Variants in ROBO2 observed in about 807,000 individuals in gnomAD.
ROBO2 encodes roundabout guidance receptor 2, also known as roundabout homolog 2.
A neutral mutation model predicts 160.8 loss-of-function variants in ROBO2; 53 were observed. The observed-to-expected ratio is 0.33, with a 90% CI of 0.26 to 0.41. The LOEUF is 0.41. Among genes scored for constraint, ROBO2 ranks in the 10% least tolerant of loss-of-function variants. The pLI is 1.00. For missense variants in ROBO2, 1,577 were observed against 1,722.4 expected, an observed-to-expected ratio of 0.92 and a Z score of 1.49; for synonymous variants, 664 against 611.7, an observed-to-expected ratio of 1.09 and a Z score of -1.26.
chr3:77,434,629 G>A (rs956514612), intron 2 of ROBO2, among the ~76,000 whole-genome samples: 2 of 151,632 alleles, frequency 1.3e-5, no homozygotes, highest in Non-Finnish European at 2.9e-5. Context: ...CATGTACTGC[G>A]ATACACTGCA....
At chr3:76,351,106 C>A (rs575489195) in intron 2 of ROBO2, among the ~76,000 whole-genome samples, 2 of 151,834 alleles carry the variant, frequency 1.3e-5, no homozygotes, top group African/African-American at 4.8e-5. Context: ...TTCCTCAACC[C>A]TCTCAATAAA....
chr3:77,156,380 A>G (rs1168301434), intron 2 of ROBO2, among the ~76,000 whole-genome samples: 1 of 152,060 alleles, frequency 6.6e-6, no homozygotes, highest in African/African-American at 2.4e-5. Context: ...ATTGATGTCA[A>G]TCCCAATTTT....
At chr3:75,930,014 C>T (rs1344255104) in intron 1 of ROBO2, among the ~76,000 whole-genome samples, 1 of 152,154 alleles carries the variant, frequency 6.6e-6, no homozygotes, top group Admixed American at 6.5e-5. Flanking sequence ...TTATTTAAGG[C>T]TTTAGATCTT....
chr3:76,081,994 G>T (rs2068849525), intron 2 of ROBO2, among the ~76,000 whole-genome samples: 1 of 152,046 alleles, frequency 6.6e-6, no homozygotes, highest in South Asian at 2.1e-4. Flanking sequence ...TTTTGTGACT[G>T]GCAAAGATAA....
chr3:76,778,394 G>A (rs2108577702), intron 2 of ROBO2, among the ~76,000 whole-genome samples: 1 of 151,114 alleles, frequency 6.6e-6, no homozygotes, highest in East Asian at 2.0e-4. Flanking sequence ...TCTGGATCAG[G>A]GCATTAAATT....
intron 2 of ROBO2, among the ~76,000 whole-genome samples, chr3:76,040,369 C>T (rs1348100701): frequency 2.0e-5 from 3 of 151,324 alleles, no homozygotes. Context: ...CTAGTTGTTC[C>T]AAAATAATAT....
chr3:77,560,625 T>C (rs808966), intron 9 of ROBO2, among the ~76,000 whole-genome samples: 116,182 of 151,942 alleles, frequency 0.76, 44,722 homozygotes, highest in African/African-American at 0.83. Context: ...AAAAAAATAA[T>C]GTGATGAATA....
intron 2 of ROBO2, among the ~76,000 whole-genome samples, chr3:76,851,741 C>CAAAAAAAA (rs71104629): frequency 4.3e-4 from 27 of 63,232 alleles, no homozygotes; most frequent in South Asian, 3.2e-3. Flanking sequence ...GACTCCGTCT[C>CAAAAAAAA]AAAAAAAAAA....
chr3:77,317,160 G>T (rs1460745774), intron 2 of ROBO2: 50 of 1,015,018 alleles, frequency 4.9e-5, no homozygotes, highest in Non-Finnish European at 4.2e-5. Context: ...TACCCAGCCA[G>T]CCAGCCCTGT....
At chr3:76,799,133 G>A (rs1048999075) in intron 2 of ROBO2, among the ~76,000 whole-genome samples, 1 of 151,788 alleles carries the variant, frequency 6.6e-6, no homozygotes, top group African/African-American at 2.4e-5. Context: ...AGAATCACTT[G>A]AACCCAGGAG....
exon 3 of ROBO2, chr3:77,477,550 T>G: frequency 5.6e-6 from 9 of 1,614,058 alleles, no homozygotes. Flanking sequence ...TTCGAATTGA[T>G]GACAAGGAAG....
intron 2 of ROBO2, among the ~76,000 whole-genome samples, chr3:76,615,326 C>T (rs150699289): frequency 6.6e-6 from 1 of 152,178 alleles, no homozygotes; most frequent in Non-Finnish European, 1.5e-5. Context: ...AGAATTTCTG[C>T]TCTAACACAG....
intron 2 of ROBO2, among the ~76,000 whole-genome samples, chr3:76,701,665 C>T (rs554502712): frequency 6.4e-4 from 97 of 152,028 alleles, no homozygotes; most frequent in Admixed American, 1.4e-3. Context: ...TCAATTCTGG[C>T]CCAATTTCCT....
exon 9 of ROBO2, chr3:77,558,050 T>C: frequency 6.2e-7 from 1 of 1,613,278 alleles, no homozygotes; most frequent in Non-Finnish European, 8.5e-7. Flanking sequence ...GTGATCCTCT[T>C]CCTGTAATTA....
chr3:77,403,042 A>G (rs886677810), intron 2 of ROBO2, among the ~76,000 whole-genome samples: 6 of 152,204 alleles, frequency 3.9e-5, no homozygotes, highest in Non-Finnish European at 5.9e-5. Flanking sequence ...TTCCACCACC[A>G]GGAACAGAAT....
At chr3:75,927,582 T>G (rs1248298584) in intron 1 of ROBO2, among the ~76,000 whole-genome samples, 1 of 152,176 alleles carries the variant, frequency 6.6e-6, no homozygotes, top group Admixed American at 6.5e-5. Context: ...AATCACAAGC[T>G]AACACGAGCA....
rs114223022 is a variant in ROBO2 at position 76,790,472 on chromosome 3, A to G, written c.110-307542A>G. Among the ~76,000 whole-genome samples, 898 of 151,814 alleles carry G rather than the reference A, an allele frequency of 5.9e-3. 9 individuals are homozygous for G. Among genetic ancestry groups the G allele is most frequent in the African/African-American group, 0.021 (851 of 41,484 alleles). On this transcript the variant is annotated intron_variant, in intron 2 of 26. Coordinates refer to the ROBO2 transcript ENST00000487694. ...ATGCTTCTCCACTTAAAATGGATTT[A>G]CTATCTGACAAACTCATTGTTAAGT...
intron 2 of ROBO2, among the ~76,000 whole-genome samples, chr3:77,181,376 A>G (rs2080768531): frequency 6.6e-6 from 1 of 152,130 alleles, no homozygotes; most frequent in Non-Finnish European, 1.5e-5. Flanking sequence ...CTATTTCCAT[A>G]TATATTCCAA....
At position 77,607,893 on chromosome 3, in the gene ROBO2, C is replaced by T. The variant is rs200040879; in HGVS notation, c.3232C>T (p.Pro1078Ser). The T allele has an allele frequency of 9.9e-6, 16 of 1,613,868 alleles. No individual in the cohort carries two copies. Among genetic ancestry groups the T allele is most frequent in the Admixed American group, 1.7e-5 (1 of 59,986 alleles). The stretch of plus-strand genomic sequence containing the variant: ...GGCCAATGTCCCTCTACCTCCCCCC[C>T]CAGTCCAGCCCCTTCCTGGCACGGA... Residue 1078 changes from proline (P) to serine (S), a missense_variant, in exon 21 of 26, where the codon CCA becomes TCA. This residue lies in a region of ROBO2 where 637 missense variants were observed against 586.9 expected (regional missense o/e 1.09). Coordinates refer to ENST00000461745, the Ensembl canonical transcript of ROBO2.
Sources: allele counts gnomAD v4.1 joint callset (sites outside exome capture counted in the v4.1 genomes callset), GRCh38; gene constraint gnomAD v4.1.1; regional missense constraint gnomAD v4.1.1; transcripts MANE v1.5; gene names NCBI Gene and HGNC (gene_info 2026-07-23, HGNC 2026-07-21).